Variants in CNDP1 observed in about 807,000 individuals in gnomAD.
CNDP1 encodes the protein beta-Ala-His dipeptidase.
Under a neutral mutation model 58.1 loss-of-function variants are expected in CNDP1, and 44 were observed. The ratio of observed to expected loss-of-function variants is 0.76; its 90% CI spans 0.60 to 0.97. The LOEUF (loss-of-function observed/expected upper bound fraction) is 0.97. Among genes scored for constraint, CNDP1 ranks in the 50% least tolerant of loss-of-function variants. The pLI is 0.00. For synonymous variants in CNDP1, 254 were observed against 252.6 expected, an observed-to-expected ratio of 1.01 and a Z score of -0.05; for missense variants, 616 against 655.1, an observed-to-expected ratio of 0.94 and a Z score of 0.65.
Position 74,578,183 on chromosome 18 carries a change from C to A in CNDP1, c.1023C>A (p.Leu341=), listed in dbSNP as rs138952228. 9.9e-5 allele frequency: 160 copies of A among 1,613,700 alleles called. No homozygotes were observed. In the African/African-American group the frequency reaches 1.9e-3, roughly 19 times the overall value. The change falls in exon 9 of 12, where the codon CTC becomes CTA. Residue 341 remains leucine, a synonymous_variant. Coordinates refer to ENST00000358821, the MANE Select transcript of CNDP1 (RefSeq NM_032649.6). ...TATAGGAGGAGATTCTAATGCACCT[C>A]TGGAGGTACCCATCTCTTTCTATTC... is the stretch of plus-strand genomic sequence containing the variant. ...FDTKEEILMH[L]WRYPSLSIHG...
At chr18:74,579,522 C>T (rs1322771627) in intron 9 of CNDP1, among the ~76,000 whole-genome samples, 1 of 151,964 alleles carries the variant, frequency 6.6e-6, no homozygotes, top group Non-Finnish European at 1.5e-5. Flanking sequence ...GGACATGACA[C>T]GTGTTCTATA....
At chr18:74,548,735 G>T (rs759552567) in intron 1 of CNDP1, among the ~76,000 whole-genome samples, 29 of 152,214 alleles carry the variant, frequency 1.9e-4, no homozygotes, top group Non-Finnish European at 3.8e-4. Context: ...ACTGGTTAAT[G>T]GTTGTGACCA....
rs191193547 is a variant in CNDP1, at chr18:74,553,724, C to T, written c.25-2614C>T. ...AGCAAAATTCAGACCCTTATTAGAACGTTTTGATACATTCTCCTACTTCAA... is the reference window on the plus strand; with the variant it reads ...AGCAAAATTCAGACCCTTATTAGAATGTTTTGATACATTCTCCTACTTCAA... On this transcript the variant is annotated intron_variant, in intron 1 of 11. Coordinates refer to ENST00000358821, the MANE Select transcript of CNDP1 (RefSeq NM_032649.6). Among the ~76,000 whole-genome samples, 366 of 152,260 alleles carry T rather than the reference C, an allele frequency of 2.4e-3. 4 individuals are homozygous for T. Among genetic ancestry groups the T allele is most frequent in the African/African-American group, 6.5e-3 (271 of 41,546 alleles).
intron 7 of CNDP1, among the ~76,000 whole-genome samples, chr18:74,572,100 T>A (rs1195156833): frequency 6.6e-6 from 1 of 152,198 alleles, no homozygotes; most frequent in Non-Finnish European, 1.5e-5. Flanking sequence ...CCACTTGGCT[T>A]CATTTTTCAA....
intron 7 of CNDP1, among the ~76,000 whole-genome samples, chr18:74,573,407 C>G (rs1981540916): frequency 2.8e-5 from 1 of 35,668 alleles, no homozygotes; most frequent in African/African-American, 1.9e-4. Flanking sequence ...TCTATCCACC[C>G]ATTATCATCT....
chr18:74,534,796 G>C, intron 1 of CNDP1, 105 bp downstream of exon 1: 1 of 1,296,826 alleles, frequency 7.7e-7, no homozygotes, highest in South Asian at 1.2e-5. Context: ...GGCACCCAGC[G>C]TGGCCCCAGA....
intron 1 of CNDP1, 43 bp from the exon 2 acceptor site, chr18:74,556,295 G>A: frequency 6.3e-7 from 1 of 1,599,264 alleles, no homozygotes; most frequent in Non-Finnish European, 8.5e-7. Context: ...TCCAGCAACT[G>A]GCATTGATTT....
In CNDP1 at chr18:74,545,025, TG is replaced by T. The variant is rs1980723488; in HGVS notation, c.24+10335del. ...GGACACAGTCACAGCAAAGGACTGC[TG>T]CCAACACCAGAAGCTGGAGGGGCAG... On this transcript the variant is annotated intron_variant, in intron 1 of 11. Coordinates refer to ENST00000358821, the MANE Select transcript of CNDP1 (RefSeq NM_032649.6). This position sits in a 1 kb window ranked among gnomAD's most constrained non-coding sequence, Gnocchi z 4.1. Among the ~76,000 whole-genome samples, 1 of 151,900 alleles carries T rather than the reference TG, an allele frequency of 6.6e-6. No homozygotes were observed. Among genetic ancestry groups the T allele is most frequent in the East Asian group, 1.9e-4 (1 of 5,178 alleles).
intron 7 of CNDP1, 44 bp downstream of exon 7, chr18:74,571,314 C>T (rs148557717): frequency 2.3e-6 from 3 of 1,312,406 alleles, no homozygotes; most frequent in Admixed American, 1.7e-5. Context: ...CAGGGATCAA[C>T]TAAAAGACAG....
At chr18:74,555,582 G>A in intron 1 of CNDP1, among the ~76,000 whole-genome samples, 1 of 152,204 alleles carries the variant, frequency 6.6e-6, no homozygotes, top group East Asian at 1.9e-4. Flanking sequence ...GGTCAAGGAG[G>A]AATGCTGGCT....
chr18:74,579,646 GCT>G (rs978871060), intron 9 of CNDP1, among the ~76,000 whole-genome samples: 117 of 152,286 alleles, frequency 7.7e-4, no homozygotes, highest in African/African-American at 2.2e-3. Flanking sequence ...CTGAAATGAG[GCT>G]CTCCATAGTT....
intron 10 of CNDP1, among the ~76,000 whole-genome samples, chr18:74,580,982 C>T (rs929841906): frequency 6.6e-5 from 10 of 152,060 alleles, no homozygotes; most frequent in Non-Finnish European, 1.3e-4. Flanking sequence ...AAATGAAAAA[C>T]AAAAAATACA....
chr18:74,538,288 G>T (rs1980533120), intron 1 of CNDP1, among the ~76,000 whole-genome samples: 1 of 152,166 alleles, frequency 6.6e-6, no homozygotes, highest in Non-Finnish European at 1.5e-5. Context: ...TATACAATAT[G>T]CAGCCTCTTG....
At chr18:74,565,666 G>A (rs1457889712) in intron 5 of CNDP1, among the ~76,000 whole-genome samples, 3 of 152,222 alleles carry the variant, frequency 2.0e-5, no homozygotes, top group Non-Finnish European at 2.9e-5. Context: ...ATGGTCTCGG[G>A]TGGCTCTGCC....
intron 7 of CNDP1, among the ~76,000 whole-genome samples, chr18:74,571,860 T>G (rs1000249759): frequency 6.6e-5 from 10 of 152,322 alleles, no homozygotes; most frequent in Admixed American, 3.3e-4. Flanking sequence ...GGTATGTCCT[T>G]GCTCTGCCAC....
intron 1 of CNDP1, among the ~76,000 whole-genome samples, chr18:74,554,817 A>G (rs1370919766): frequency 6.6e-6 from 1 of 152,176 alleles, no homozygotes; most frequent in Non-Finnish European, 1.5e-5. Context: ...CCCCACCTTT[A>G]AAAAGATCAC....
At chr18:74,579,307 C>T (rs571601681) in intron 9 of CNDP1, among the ~76,000 whole-genome samples, 66 of 146,530 alleles carry the variant, frequency 4.5e-4, no homozygotes, top group South Asian at 6.7e-4. Context: ...CTTCTCCTCT[C>T]CCCACTCCCT....
At chr18:74,537,640 G>T (rs1255686384) in intron 1 of CNDP1, among the ~76,000 whole-genome samples, 1 of 152,148 alleles carries the variant, frequency 6.6e-6, no homozygotes, top group African/African-American at 2.4e-5. Flanking sequence ...ATGCAGAGGG[G>T]GCTCTGTGCT....
intron 1 of CNDP1, among the ~76,000 whole-genome samples, chr18:74,536,138 C>CT (rs563822140): frequency 2.9e-4 from 44 of 152,138 alleles, no homozygotes; most frequent in African/African-American, 9.9e-4. Context: ...TATTCTTTTA[C>CT]TTTTTTTTAA....
Sources: allele counts gnomAD v4.1 joint callset (sites outside exome capture counted in the v4.1 genomes callset), GRCh38; gene constraint gnomAD v4.1.1; non-coding constraint Gnocchi (gnomAD v3.1); transcripts MANE v1.5; gene names NCBI Gene and HGNC (gene_info 2026-07-23, HGNC 2026-07-21).